The following SEC23B variants were observed in gnomAD, a reference collection of about 807,000 sequenced individuals.
SEC23B encodes the protein SEC23 homolog B, COPII component.
A neutral mutation model predicts 104.3 loss-of-function variants in SEC23B; 77 were observed. The observed-to-expected ratio is 0.74, with a 90% confidence interval of 0.61 to 0.89. The LOEUF is 0.89. Among genes scored for constraint, SEC23B ranks in the 40% least tolerant of loss-of-function variants. The probability of loss-of-function intolerance (pLI) is 0.00; values close to 1 mark genes in which losing one functional copy is unlikely to be tolerated. For missense variants in SEC23B, 885 were observed against 949.4 expected (o/e 0.93, Z 0.89); for synonymous variants, 338 against 332.5 (o/e 1.02, Z -0.18).
intron 13 of SEC23B, among the ~76,000 whole-genome samples, chr20:18,542,674 G>T (rs2122124573): frequency 6.6e-6 from 1 of 152,204 alleles, no homozygotes. Flanking sequence ...TCGCTCTGTT[G>T]CCCAAGCTGG....
At position 18,526,370 on chromosome 20, in the gene SEC23B, T is replaced by C; in HGVS notation, c.835-3T>C. The C allele has an allele frequency of 6.2e-7, 1 of 1,614,110 alleles. No homozygotes were observed. Among genetic ancestry groups the C allele is most frequent in the Non-Finnish European group, 8.5e-7 (1 of 1,179,948 alleles). ...TCTAACATGCTGCCATTCGCTATTT[T>C]AGGGCACTTTTCCAAACACAGGAGC... On this transcript the variant is annotated splice_polypyrimidine_tract_variant and splice_region_variant and intron_variant, in intron 7 of 19. Transcript: ENST00000650089.
intron 11 of SEC23B, among the ~76,000 whole-genome samples, chr20:18,534,771 C>T (rs764277384): frequency 6.6e-6 from 1 of 152,136 alleles, no homozygotes; most frequent in East Asian, 1.9e-4. Flanking sequence ...CCAATAAAGG[C>T]ATCTAAAGAG....
Position 18,542,283 on chromosome 20 carries a change from T to G in SEC23B, c.1405-13T>G, listed in dbSNP as rs557374312. The G allele has an allele frequency of 6.2e-7, 1 of 1,612,924 alleles. No homozygotes were observed. Among genetic ancestry groups the G allele is most frequent in the South Asian group, 1.1e-5 (1 of 91,068 alleles). ...GCCTATAACAGACAAGGTTATGGCC[T>G]CTCATCCTACAGCACAACACCCCGA... On this transcript the variant is annotated splice_polypyrimidine_tract_variant and intron_variant, in intron 12 of 19. Coordinates refer to ENST00000650089, the MANE Select transcript of SEC23B (RefSeq NM_006363.6).
Position 18,548,599 on chromosome 20 carries a change from G to C in SEC23B, c.1744-10G>C, listed in dbSNP as rs771570149. On this transcript the variant is annotated splice_polypyrimidine_tract_variant and intron_variant, in intron 15 of 19. Transcript: ENST00000650089. ...ATATGCATTTCTCTTTCCGTTCTTT[G>C]TGAATGCAGTTTATGTTCCATCTGA... 5.6e-6 allele frequency: 9 copies of C among 1,613,028 alleles called. No individual in the cohort carries two copies. The highest frequency in any genetic ancestry group is 5.9e-6 in the Non-Finnish European group (7 of 1,179,138).
At chr20:18,535,934 A>T (rs959041302) in intron 12 of SEC23B, among the ~76,000 whole-genome samples, 192 bp downstream of exon 12, 1 of 152,212 alleles carries the variant, frequency 6.6e-6, no homozygotes, top group African/African-American at 2.4e-5. Flanking sequence ...GCAACAAATT[A>T]CTTTTGTCCT....
chr20:18,523,327 C>G (rs1440879286), intron 4 of SEC23B, among the ~76,000 whole-genome samples: 1 of 151,886 alleles, frequency 6.6e-6, no homozygotes, highest in Non-Finnish European at 1.5e-5. Context: ...GGTGCTCCTT[C>G]CCTCTCTTCC....
chr20:18,555,212 A>G (rs1673489751), intron 19 of SEC23B, 39 bp downstream of exon 19: 1 of 1,529,964 alleles, frequency 6.5e-7, no homozygotes, highest in South Asian at 1.1e-5. Flanking sequence ...ATGCTAAGCT[A>G]GTTTTTTTTT....
At chr20:18,558,932 G>T (rs6136412) in intron 19 of SEC23B, among the ~76,000 whole-genome samples, 1 of 152,136 alleles carries the variant, frequency 6.6e-6, no homozygotes, top group Non-Finnish European at 1.5e-5. Flanking sequence ...TTTTAATTCA[G>T]GTGGAGGTCT....
At chr20:18,528,336 C>T (rs1371239325) in intron 9 of SEC23B, among the ~76,000 whole-genome samples, 1 of 152,194 alleles carries the variant, frequency 6.6e-6, no homozygotes, top group African/African-American at 2.4e-5. Flanking sequence ...GTCTTGTCCT[C>T]AGAGATTCTA....
chr20:18,528,939 T>C (rs2060157950), intron 9 of SEC23B, among the ~76,000 whole-genome samples: 1 of 152,228 alleles, frequency 6.6e-6, no homozygotes, highest in Admixed American at 6.5e-5. Context: ...GATTCCAGGC[T>C]GTGCTATAGG....
At chr20:18,560,293 G>A (rs183629891) in intron 19 of SEC23B, among the ~76,000 whole-genome samples, 9 of 152,220 alleles carry the variant, frequency 5.9e-5, no homozygotes, top group Non-Finnish European at 1.2e-4. Context: ...AGCTTCTGTG[G>A]TAAGCAGAGC....
rs1268644278 is a variant in SEC23B, at chr20:18,530,703, C to G, written c.1133C>G (p.Ser378Cys). 6 of 1,611,624 alleles carry G rather than the reference C, an allele frequency of 3.7e-6. No homozygotes were observed. The highest frequency in any genetic ancestry group is 3.3e-5 in the Admixed American group (2 of 59,982). The change falls in exon 10 of 20, where the codon TCT becomes TGT. Residue 378 changes from serine to cysteine, a missense_variant. Coordinates refer to ENST00000650089, the MANE Select transcript of SEC23B (RefSeq NM_006363.6). ...AGAGGCTACATGGTAATGGGAGATT[C>G]TTTCAACACTTCTCTCTTCAAGCAG... is the stretch of plus-strand genomic sequence containing the variant. ...LTGGYMVMGD[S>C]FNTSLFKQTF...
intron 10 of SEC23B, among the ~76,000 whole-genome samples, chr20:18,531,264 A>T (rs753722692): frequency 1.8e-4 from 27 of 152,208 alleles, no homozygotes; most frequent in Non-Finnish European, 1.0e-4. Flanking sequence ...GGGCAGCCAC[A>T]CGGTGGTCTG....
intron 15 of SEC23B, 116 bp from the exon 16 acceptor site, chr20:18,548,493 C>A (rs2060354974): frequency 2.0e-6 from 2 of 985,970 alleles, no homozygotes; most frequent in Middle Eastern, 2.4e-4. Context: ...TTCTGTGAAA[C>A]CAGAGAGCCC....
rs148789778 is a variant in SEC23B at position 18,518,297 on chromosome 20, G to A, written c.366+2561G>A. Among the ~76,000 whole-genome samples the A allele has an allele frequency of 1.6e-3, 249 of 152,298 alleles. 2 individuals carry two copies. The highest frequency in any genetic ancestry group is 5.6e-3 in the African/African-American group (231 of 41,550). ...TGAAAGTGTCTACCTAGACCAAGAG[G>A]TATTTTAGTTTCCTGACTCAGGGCA... On this transcript the variant is annotated intron_variant, in intron 4 of 19. Coordinates refer to ENST00000650089, the MANE Select transcript of SEC23B (RefSeq NM_006363.6).
At chr20:18,508,909 C>T (rs1162833508) in intron 1 of SEC23B, among the ~76,000 whole-genome samples, 4 of 151,872 alleles carry the variant, frequency 2.6e-5, no homozygotes, top group Non-Finnish European at 4.4e-5. Flanking sequence ...TTAGTAGAGA[C>T]GGGGTTTTGC....
chr20:18,549,405 G>T (rs1054117976), intron 16 of SEC23B, among the ~76,000 whole-genome samples: 1 of 151,980 alleles, frequency 6.6e-6, no homozygotes, highest in East Asian at 1.9e-4. Context: ...ATGGTTTAGG[G>T]AATAATGACA....
At chr20:18,555,385 A>G (rs2060427123) in intron 19 of SEC23B, among the ~76,000 whole-genome samples, 1 of 152,038 alleles carries the variant, frequency 6.6e-6, no homozygotes, top group African/African-American at 2.4e-5. Context: ...CCCTTCCACA[A>G]TATACAGCAG....
chr20:18,528,433 TGCA>T (rs1328182667), intron 9 of SEC23B, among the ~76,000 whole-genome samples: 1 of 152,242 alleles, frequency 6.6e-6, no homozygotes, highest in East Asian at 1.9e-4. Flanking sequence ...TTGAGAACCA[TGCA>T]GCATCTTGAG....
Sources: gnomAD v4.1 joint callset for allele counts (sites outside exome capture counted in the v4.1 genomes callset) on GRCh38, gnomAD v4.1.1 for gene constraint, MANE v1.5 for transcripts, NCBI Gene and HGNC (gene_info 2026-07-23, HGNC 2026-07-21) for gene names.